Variants in DPP10 observed in about 807,000 individuals in gnomAD.
DPP10 encodes the protein inactive dipeptidyl peptidase 10.
A neutral mutation model predicts 120.9 loss-of-function variants in DPP10; 33 were observed. The ratio of observed to expected loss-of-function variants is 0.27; its 90% confidence interval spans 0.21 to 0.37. The LOEUF (loss-of-function observed/expected upper bound fraction) is 0.37. Among genes scored for constraint, DPP10 ranks in the 10% least tolerant of loss-of-function variants. The pLI is 1.00. For missense variants in DPP10, 816 were observed against 942.8 expected, an observed-to-expected ratio of 0.87 and a Z score of 1.76; for synonymous variants, 337 against 326.1, an observed-to-expected ratio of 1.03 and a Z score of -0.36.
intron 1 of DPP10, among the ~76,000 whole-genome samples, chr2:114,728,400 C>T (rs1014153259): frequency 7.9e-5 from 12 of 152,110 alleles, no homozygotes; most frequent in Non-Finnish European, 1.6e-4. Flanking sequence ...TTATGTGACC[C>T]TGGGAAACTG....
At chr2:114,947,132 A>AT (rs36122417) in intron 1 of DPP10, among the ~76,000 whole-genome samples, 15 of 150,492 alleles carry the variant, frequency 1.0e-4, no homozygotes, top group East Asian at 3.9e-4. Context: ...ATTCAAGTGA[A>AT]TTTTTTTTTT....
chr2:114,687,087 G>A (rs892366648), intron 1 of DPP10, among the ~76,000 whole-genome samples: 1 of 151,948 alleles, frequency 6.6e-6, no homozygotes, highest in African/African-American at 2.4e-5. Flanking sequence ...ACGTAGGATA[G>A]GGTTACAGTG....
intron 1 of DPP10, among the ~76,000 whole-genome samples, chr2:115,283,795 T>C (rs2060254607): frequency 6.6e-6 from 1 of 152,056 alleles, no homozygotes; most frequent in Non-Finnish European, 1.5e-5. Context: ...TGAGATTTTA[T>C]TACCATACTT....
chr2:115,470,362 G>A (rs2074624186), intron 3 of DPP10, among the ~76,000 whole-genome samples: 1 of 152,080 alleles, frequency 6.6e-6, no homozygotes, highest in Admixed American at 6.6e-5. Flanking sequence ...TTATCATCCT[G>A]TCACTGCACC....
intron 1 of DPP10, among the ~76,000 whole-genome samples, chr2:115,126,576 T>C (rs1271265518): frequency 1.3e-5 from 2 of 152,226 alleles, no homozygotes; most frequent in African/African-American, 4.8e-5. Context: ...AGAGAAAAGT[T>C]TACATTTGAA....
At chr2:115,498,922 C>G (rs10496498) in intron 3 of DPP10, among the ~76,000 whole-genome samples, 32,196 of 151,744 alleles carry the variant, frequency 0.21, 3,919 homozygotes, top group East Asian at 0.39. Flanking sequence ...TGAAAAAGTT[C>G]ATTCATTGAT....
chr2:115,330,710 G>C (rs2062674410), intron 2 of DPP10, among the ~76,000 whole-genome samples: 1 of 151,954 alleles, frequency 6.6e-6, no homozygotes. Flanking sequence ...CCCATTGCTT[G>C]TTTTTCTCAG....
intron 5 of DPP10, among the ~76,000 whole-genome samples, chr2:115,689,065 T>C (rs967160349): frequency 2.0e-5 from 3 of 152,104 alleles, no homozygotes; most frequent in Non-Finnish European, 4.4e-5. Context: ...AACATTCTAG[T>C]AGGAAAAGGA....
At chr2:115,320,857 A>C (rs1228909182) in intron 2 of DPP10, among the ~76,000 whole-genome samples, 2 of 152,066 alleles carry the variant, frequency 1.3e-5, no homozygotes, top group African/African-American at 2.4e-5. Flanking sequence ...TTTCCACTTC[A>C]TGCTGAAGCC....
intron 1 of DPP10, among the ~76,000 whole-genome samples, chr2:115,259,680 A>T (rs928724449): frequency 2.0e-5 from 3 of 152,092 alleles, no homozygotes; most frequent in Non-Finnish European, 2.9e-5. Context: ...ACCTAGACAT[A>T]TTGCTGCCCT....
In DPP10 at chr2:114,702,744, T is replaced by G. The variant is rs1307155873; in HGVS notation, c.60+259906T>G. Among the ~76,000 whole-genome samples, 5 of 152,216 alleles carry G rather than the reference T, an allele frequency of 3.3e-5. No homozygotes were observed. The East Asian group carries it at 9.7e-4, about 29-fold the overall frequency. On this transcript the variant is annotated intron_variant, in intron 1 of 25. Coordinates refer to ENST00000410059, the MANE Select transcript of DPP10 (RefSeq NM_020868.6). ...CTTCTGGCATTTATCAGGCACAGGT[T>G]TCTTGGATCCATCCTGGATTCTGCC...
chr2:114,904,632 C>T (rs950495733), intron 1 of DPP10, among the ~76,000 whole-genome samples: 4 of 152,048 alleles, frequency 2.6e-5, no homozygotes, highest in Non-Finnish European at 5.9e-5. Flanking sequence ...TGGACTATCA[C>T]TTGATAAAAT....
intron 3 of DPP10, among the ~76,000 whole-genome samples, chr2:115,474,362 T>A (rs917349889): frequency 2.9e-4 from 44 of 152,138 alleles, no homozygotes; most frequent in African/African-American, 1.0e-3. Context: ...GTTCAGCCCA[T>A]GGAGGTAGGA....
chr2:115,137,154 G>C (rs1327768659), intron 1 of DPP10, among the ~76,000 whole-genome samples: 1 of 152,122 alleles, frequency 6.6e-6, no homozygotes, highest in Non-Finnish European at 1.5e-5. Flanking sequence ...TAAACTCAAA[G>C]GGCATATCCA....
intron 5 of DPP10, among the ~76,000 whole-genome samples, chr2:115,542,670 A>G (rs746118234): frequency 6.6e-6 from 1 of 151,712 alleles, no homozygotes; most frequent in Non-Finnish European, 1.5e-5. Flanking sequence ...AGTGAGAGAG[A>G]GCACAAGCAT....
chr2:115,444,101 G>A (rs2072341905), intron 3 of DPP10, among the ~76,000 whole-genome samples: 3 of 152,136 alleles, frequency 2.0e-5, no homozygotes, highest in Admixed American at 1.3e-4. Context: ...GTGGTAAGGT[G>A]CTCTGAAACA....
chr2:115,609,518 G>A (rs1382097312), intron 5 of DPP10, among the ~76,000 whole-genome samples: 5 of 151,922 alleles, frequency 3.3e-5, no homozygotes, highest in Middle Eastern at 3.2e-3. Flanking sequence ...GAAGAGAATC[G>A]TAAGCTCTCA....
intron 3 of DPP10, among the ~76,000 whole-genome samples, chr2:115,369,336 G>T (rs2065258364): frequency 6.6e-6 from 1 of 152,004 alleles, no homozygotes; most frequent in Admixed American, 6.6e-5. Context: ...TAGAAGTTTA[G>T]ATTATTATAA....
At chr2:115,652,527 T>A (rs1017731283) in intron 5 of DPP10, among the ~76,000 whole-genome samples, 1 of 151,534 alleles carries the variant, frequency 6.6e-6, no homozygotes, top group African/African-American at 2.4e-5. Context: ...TATGAAGTTA[T>A]AGAGGCGGAG....
Sources: allele counts gnomAD v4.1 joint callset (sites outside exome capture counted in the v4.1 genomes callset), GRCh38; gene constraint gnomAD v4.1.1; transcripts MANE v1.5; gene names NCBI Gene and HGNC (gene_info 2026-07-23, HGNC 2026-07-21).